ARHGAP19: variants seen among roughly 807,000 people sequenced by gnomAD.
ARHGAP19 encodes the protein Rho GTPase activating protein 19, also known as rho GTPase-activating protein 19.
ARHGAP19 carries 48 observed loss-of-function variants against 60.9 expected under a neutral mutation model. The observed-to-expected ratio is 0.79, with a 90% CI of 0.62 to 1.00. The LOEUF (loss-of-function observed/expected upper bound fraction) is 1.00. Ranked by LOEUF, ARHGAP19 falls within the 50% of genes least tolerant of loss-of-function variation. The pLI, the probability that ARHGAP19 is intolerant of heterozygous loss-of-function variation, is 0.00. For missense variants in ARHGAP19, 562 were observed against 597.2 expected (o/e 0.94, Z 0.61); for synonymous variants, 209 against 215.5 (o/e 0.97, Z 0.27).
chr10:97,270,572 T>C (rs958811732), intron 1 of ARHGAP19: 5 of 1,523,054 alleles, frequency 3.3e-6, no homozygotes, highest in Non-Finnish European at 2.7e-6. Flanking sequence ...AAACGAAATA[T>C]ACTAAAGTTC....
chr10:97,269,802 A>G (rs1451332360), intron 1 of ARHGAP19, among the ~76,000 whole-genome samples: 1 of 152,228 alleles, frequency 6.6e-6, no homozygotes, highest in Non-Finnish European at 1.5e-5. Flanking sequence ...ATGTGTATTA[A>G]TAGGAACCAT....
intron 1 of ARHGAP19, among the ~76,000 whole-genome samples, chr10:97,274,547 A>G (rs1843000663): frequency 6.6e-6 from 1 of 152,148 alleles, no homozygotes; most frequent in African/African-American, 2.4e-5. Context: ...GAGCATTTGA[A>G]GCAAATATGG....
Position 97,247,137 on chromosome 10 carries a change from C to CA in ARHGAP19, c.928-801dup, listed in dbSNP as rs1322063524. On this transcript the variant is annotated intron_variant, in intron 6 of 11. Coordinates refer to ENST00000358531, the MANE Select transcript of ARHGAP19 (RefSeq NM_032900.6). ...GGGCAACAAGAGCGAAACTCCATCT[C>CA]AAAAAAAAAAAAATTACAAAAAAAT... Among the ~76,000 whole-genome samples, 536 of 140,522 alleles carry CA rather than the reference C, an allele frequency of 3.8e-3. 3 individuals are homozygous for CA. Among genetic ancestry groups the CA allele is most frequent in the African/African-American group, 0.011 (423 of 38,490 alleles). The allele number at this position is 140,522 out of a possible 152,430, so 92.2% of individuals were successfully genotyped here.
intron 8 of ARHGAP19, among the ~76,000 whole-genome samples, chr10:97,237,993 A>AT (rs955497488): frequency 4.2e-4 from 64 of 151,460 alleles, no homozygotes; most frequent in African/African-American, 1.4e-3. Flanking sequence ...ACTCCTACTT[A>AT]TTTTTTTTTA....
chr10:97,273,483 TC>T (rs1181115052), intron 1 of ARHGAP19, among the ~76,000 whole-genome samples: 4,037 of 94,970 alleles, frequency 0.043, 104 homozygotes, highest in Non-Finnish European at 0.069. Context: ...ATTTCTGCTC[TC>T]TTTTTTTTTT....
At chr10:97,290,949 G>C (rs1843222949) in intron 1 of ARHGAP19, among the ~76,000 whole-genome samples, 1 of 152,124 alleles carries the variant, frequency 6.6e-6, no homozygotes, top group African/African-American at 2.4e-5. Flanking sequence ...CTGAGAGACA[G>C]GACTAGCTGG....
Position 97,240,141 on chromosome 10 carries a change from G to C in ARHGAP19, c.1185+3827C>G, listed in dbSNP as rs545546865. ...GTTTTAAGGGGGAAAAAAAAAAGAA[G>C]AAAGGGAGAAAAAGAGGCACTTATC... On this transcript the variant is annotated intron_variant, in intron 8 of 11. Transcript: ENST00000358531. 2.8e-3 allele frequency among the ~76,000 whole-genome samples: 422 copies of C among 150,850 alleles called. 3 individuals carry two copies. Among genetic ancestry groups the C allele is most frequent in the African/African-American group, 9.3e-3 (385 of 41,290 alleles).
intron 7 of ARHGAP19, among the ~76,000 whole-genome samples, chr10:97,245,208 T>C (rs2134841938): frequency 6.6e-6 from 1 of 152,160 alleles, no homozygotes; most frequent in South Asian, 2.1e-4. Context: ...GGTTTGGCCA[T>C]GTTGCCCAAG....
At chr10:97,237,867 T>A (rs1316003220) in intron 8 of ARHGAP19, among the ~76,000 whole-genome samples, 1 of 151,398 alleles carries the variant, frequency 6.6e-6, no homozygotes, top group Non-Finnish European at 1.5e-5. Flanking sequence ...CGAGACTCTA[T>A]CTCCAAAAAA....
intron 9 of ARHGAP19, among the ~76,000 whole-genome samples, chr10:97,232,600 T>C (rs1589444235): frequency 6.6e-6 from 1 of 152,170 alleles, no homozygotes; most frequent in Non-Finnish European, 1.5e-5. Context: ...TTTCACTCTG[T>C]AGATGGCAAA....
chr10:97,279,494 G>A lies in ARHGAP19; in HGVS notation c.56+13078C>T, dbSNP rs879305369. On this transcript the variant is annotated intron_variant, in intron 1 of 11. Transcript: ENST00000358531. ...CTTGCTTTTGTGTGTGTGTGTGTGC[G>A]TTTTGTTTGTTTGTTTGAGGCTGGG... Among the ~76,000 whole-genome samples, 110 of 27,396 alleles carry A rather than the reference G, an allele frequency of 4.0e-3. 1 individual carries two copies. Among genetic ancestry groups the A allele is most frequent in the South Asian group, 0.016 (15 of 924 alleles). 18.0% of individuals were successfully genotyped at this position (27,396 alleles called of 152,430 possible).
intron 8 of ARHGAP19, among the ~76,000 whole-genome samples, chr10:97,238,897 A>G (rs546206376): frequency 6.6e-6 from 1 of 152,322 alleles, no homozygotes; most frequent in African/African-American, 2.4e-5. Context: ...CATTCATGGT[A>G]ACTGCCCTAT....
In ARHGAP19 at chr10:97,283,378, T is replaced by A. The variant is rs183554646; in HGVS notation, c.56+9194A>T. ...GAGACCAACCTGGCCAACATGGTGA[T>A]ACCCCGTCTCTACTAAAAATACAAA... On this transcript the variant is annotated intron_variant, in intron 1 of 11. Transcript: ENST00000358531. Among the ~76,000 whole-genome samples the A allele has an allele frequency of 4.4e-3, 672 of 151,378 alleles. 7 individuals carry two copies. Among genetic ancestry groups the A allele is most frequent in the African/African-American group, 0.016 (642 of 41,354 alleles).
At chr10:97,273,713 T>TCCTGGGCTCTGGG (rs1276634189) in intron 1 of ARHGAP19, among the ~76,000 whole-genome samples, 1 of 151,876 alleles carries the variant, frequency 6.6e-6, no homozygotes, top group African/African-American at 2.4e-5. Flanking sequence ...GGTCTCGAAC[T>TCCTGGGCTCTGGG]CCTGGGCTCA....
chr10:97,256,628 T>C (rs1038564131), intron 5 of ARHGAP19: 39 of 398,338 alleles, frequency 9.8e-5, no homozygotes, highest in African/African-American at 7.7e-4. Flanking sequence ...ACCATTTTCA[T>C]TTCCTAATTC....
chr10:97,228,775 A>G (rs112077365), intron 11 of ARHGAP19, among the ~76,000 whole-genome samples: 75 of 152,226 alleles, frequency 4.9e-4, no homozygotes, highest in Admixed American at 9.8e-4. Flanking sequence ...CCTACACAGA[A>G]AAGGAACCTA....
intron 6 of ARHGAP19, among the ~76,000 whole-genome samples, chr10:97,247,663 AAG>A (rs1288714513): frequency 6.6e-6 from 1 of 152,058 alleles, no homozygotes. Flanking sequence ...CAGGGAGGGA[AAG>A]AAAGGAAGGA....
At chr10:97,240,311 A>G (rs1053776683) in intron 8 of ARHGAP19, among the ~76,000 whole-genome samples, 1 of 152,230 alleles carries the variant, frequency 6.6e-6, no homozygotes, top group African/African-American at 2.4e-5. Flanking sequence ...TATGCCCAGT[A>G]GTAGGCAAAT....
In ARHGAP19 at chr10:97,243,956, G is replaced by T; in HGVS notation, c.1185+12C>A. The T allele has an allele frequency of 6.3e-7, 1 of 1,594,408 alleles. No homozygotes were observed. The highest frequency in any genetic ancestry group is 8.6e-7 in the Non-Finnish European group (1 of 1,169,442). ...CCTAAAGCCCCATCACAACTTCCCT[G>T]CCTTTAGGCACCTGTCTAATAAGTT... On this transcript the variant is annotated intron_variant, in intron 8 of 11. Coordinates refer to ENST00000358531, the MANE Select transcript of ARHGAP19 (RefSeq NM_032900.6).
Sources: gnomAD v4.1 joint callset for allele counts (sites outside exome capture counted in the v4.1 genomes callset) on GRCh38, gnomAD v4.1.1 for gene constraint, MANE v1.5 for transcripts, NCBI Gene and HGNC (gene_info 2026-07-23, HGNC 2026-07-21) for gene names.